The following CELF1 variants were observed in gnomAD, a reference collection of about 807,000 sequenced individuals.
CELF1 encodes CUGBP Elav-like family member 1.
CELF1 carries 10 observed loss-of-function variants against 61.8 expected under a neutral mutation model. That is an observed-to-expected ratio of 0.16 (90% CI 0.10 to 0.27). CELF1 has a LOEUF of 0.27. Among genes scored for constraint, CELF1 ranks in the 10% least tolerant of loss-of-function variants. CELF1 has a pLI of 1.00. For missense variants in CELF1, 380 were observed against 639.1 expected, an observed-to-expected ratio of 0.59 and a Z score of 4.37; for synonymous variants, 236 against 225.1, an observed-to-expected ratio of 1.05 and a Z score of -0.43.
At chr11:47,558,440 T>G (rs1037166016) in intron 2 of CELF1, among the ~76,000 whole-genome samples, 5 of 130,066 alleles carry the variant, frequency 3.8e-5, no homozygotes, top group African/African-American at 1.5e-4. Flanking sequence ...ATATATATAT[T>G]ATATATATAT....
chr11:47,517,193 C>A (rs920697357), intron 1 of CELF1, among the ~76,000 whole-genome samples: 1 of 147,124 alleles, frequency 6.8e-6, no homozygotes, highest in Non-Finnish European at 1.5e-5. Context: ...CTGCAGTGAA[C>A]TGTGATCATG....
At chr11:47,494,133 A>T (rs985834228) in intron 3 of CELF1, among the ~76,000 whole-genome samples, 2 of 152,242 alleles carry the variant, frequency 1.3e-5, no homozygotes, top group African/African-American at 4.8e-5. Flanking sequence ...AGGCAAGTCT[A>T]TGGAAATTCC....
At chr11:47,565,024 C>A (rs1598771634) in intron 1 of CELF1, among the ~76,000 whole-genome samples, 1 of 152,228 alleles carries the variant, frequency 6.6e-6, no homozygotes, top group East Asian at 1.9e-4. Context: ...CAACCCAGGA[C>A]CCCTGTTCAC....
Position 47,504,565 on chromosome 11 carries a change from T to C in CELF1, c.-153-3633A>G, listed in dbSNP as rs557362349. Among the ~76,000 whole-genome samples the C allele has an allele frequency of 1.1e-3, 153 of 141,630 alleles. 1 individual carries two copies. Among genetic ancestry groups the C allele is most frequent in the Middle Eastern group, 3.9e-3 (1 of 258 alleles). The allele number at this position is 141,630 out of a possible 152,430, so 92.9% of individuals were successfully genotyped here. A position where few individuals can be genotyped will look rare whatever the true frequency, so the allele number is the denominator to read the frequency against. ...CTACACTCCAGCATGGGCAACAGCG[T>C]GAGACCCTGCCTTACAAAACAAAAT... is the stretch of plus-strand genomic sequence containing the variant. On this transcript the variant is annotated intron_variant, in intron 1 of 14. Transcript: ENST00000687097.
At chr11:47,474,492 T>G (rs2079110321) in intron 13 of CELF1, among the ~76,000 whole-genome samples, 1 of 152,250 alleles carries the variant, frequency 6.6e-6, no homozygotes, top group South Asian at 2.1e-4. Flanking sequence ...CTTGTCATTC[T>G]CCAGAGGATC....
At chr11:47,483,111 A>G (rs571515141) in intron 8 of CELF1, among the ~76,000 whole-genome samples, 1 of 152,052 alleles carries the variant, frequency 6.6e-6, no homozygotes, top group Non-Finnish European at 1.5e-5. Flanking sequence ...AAAAAATACA[A>G]AAATTAACTG....
At chr11:47,481,331 T>C (rs1352095318) in intron 9 of CELF1, among the ~76,000 whole-genome samples, 2 of 151,978 alleles carry the variant, frequency 1.3e-5, no homozygotes, top group African/African-American at 2.4e-5. Context: ...GGTTTCACCA[T>C]GCTGGCCAGG....
chr11:47,481,582 T>C (rs1032874431), intron 9 of CELF1, among the ~76,000 whole-genome samples: 2 of 152,338 alleles, frequency 1.3e-5, no homozygotes, highest in Middle Eastern at 3.4e-3. Context: ...TACTAGCTAT[T>C]TCTATGTGAA....
chr11:47,531,954 G>A (rs900867315), intron 1 of CELF1, among the ~76,000 whole-genome samples: 1 of 152,100 alleles, frequency 6.6e-6, no homozygotes, highest in Non-Finnish European at 1.5e-5. Context: ...TGTCATGACT[G>A]ACAAGCATGA....
chr11:47,485,800 G>A (rs1301801068), intron 6 of CELF1, among the ~76,000 whole-genome samples: 5 of 148,756 alleles, frequency 3.4e-5, no homozygotes, highest in African/African-American at 1.2e-4. Flanking sequence ...CGGGTGATCC[G>A]CCCGCCGTGC....
At chr11:47,549,820 GTT>G (rs143103415) in intron 1 of CELF1, among the ~76,000 whole-genome samples, 1 of 145,134 alleles carries the variant, frequency 6.9e-6, no homozygotes, top group Non-Finnish European at 1.5e-5. Context: ...GGTTTTTTTT[GTT>G]TTTTTTTTTT....
intron 4 of CELF1, 102 bp downstream of exon 4, chr11:47,488,735 T>C (rs2089311208): frequency 2.3e-6 from 2 of 872,624 alleles, no homozygotes; most frequent in African/African-American, 3.5e-5. Flanking sequence ...AGAAATTACA[T>C]ATAAAAATCC....
Position 47,552,997 on chromosome 11 carries a change from G to A in CELF1, c.-159C>T. 2.5e-6 allele frequency: 1 copy of A among 397,512 alleles called. No individual in the cohort carries two copies. The allele number at this position is 397,512 out of a possible 1,614,324, so 24.6% of individuals were successfully genotyped here. ...CCTGCGGCCGCAGCACTCACCAGCG[G>A]CTGCACCTGAGCCTGCCGCTGCCTC... On this transcript the variant is annotated 5_prime_UTR_variant, in exon 1 of 15. Coordinates refer to ENST00000687097, the MANE Select transcript of CELF1 (RefSeq NM_001376376.1).
At chr11:47,492,968 G>T (rs1326514472) in intron 3 of CELF1, among the ~76,000 whole-genome samples, 2 of 152,138 alleles carry the variant, frequency 1.3e-5, no homozygotes, top group Admixed American at 1.3e-4. Flanking sequence ...GGAGGCAACT[G>T]CTCCCAGATT....
intron 13 of CELF1, among the ~76,000 whole-genome samples, chr11:47,473,646 G>A (rs1449278905): frequency 6.6e-6 from 1 of 152,156 alleles, no homozygotes; most frequent in Non-Finnish European, 1.5e-5. Context: ...ATTGGTAGTT[G>A]CCAGATGCAG....
chr11:47,478,807 C>T, intron 10 of CELF1, 70 bp downstream of exon 10: 2 of 1,279,498 alleles, frequency 1.6e-6, no homozygotes, highest in East Asian at 2.4e-5. Flanking sequence ...ATGCCAAACT[C>T]CCAAGACTGT....
chr11:47,565,498 C>T, exon 1 of CELF1: 1 of 861,282 alleles, frequency 1.2e-6, no homozygotes, highest in Non-Finnish European at 1.5e-6. Context: ...TCCCCGCCGT[C>T]ACCCGGTGCG....
chr11:47,533,831 A>G (rs184058128), intron 1 of CELF1, among the ~76,000 whole-genome samples: 9 of 140,904 alleles, frequency 6.4e-5, no homozygotes, highest in Non-Finnish European at 7.7e-5. Context: ...AAAAAAAAAA[A>G]GGAATATTTA....
Position 47,499,614 on chromosome 11 carries a change from A to AC in CELF1, c.-81-11dup. On this transcript the variant is annotated splice_polypyrimidine_tract_variant and intron_variant, in intron 2 of 14. Transcript: ENST00000687097. Reference sequence around the variant, plus strand: ...ACACAGCTTTAGCTTCCTGGGCCCCACAAAAAACACAAAGTGGAAACAGGA... The same window carrying AC: ...ACACAGCTTTAGCTTCCTGGGCCCCACCAAAAAACACAAAGTGGAAACAGGA... The AC allele has an allele frequency of 1.0e-6, 1 of 993,902 alleles. No homozygotes were observed. Among genetic ancestry groups the AC allele is most frequent in the African/African-American group, 1.6e-5 (1 of 61,620 alleles). The allele number at this position is 993,902 out of a possible 1,614,324, so 61.6% of individuals were successfully genotyped here.
Sources: gnomAD v4.1 joint callset for allele counts (sites outside exome capture counted in the v4.1 genomes callset) on GRCh38, gnomAD v4.1.1 for gene constraint, MANE v1.5 for transcripts, NCBI Gene and HGNC (gene_info 2026-07-23, HGNC 2026-07-21) for gene names.